The following CHODL variants were observed in gnomAD, a reference collection of about 807,000 sequenced individuals.
CHODL encodes transmembrane protein MT75.
CHODL carries 29 observed loss-of-function variants against 34.5 expected under a neutral mutation model. The observed-to-expected ratio is 0.84, with a 90% CI of 0.63 to 1.15. The LOEUF is 1.15. CHODL is among the 50% of genes most tolerant of loss of function. The pLI, the probability that CHODL is intolerant of heterozygous loss-of-function variation, is 0.00. For missense variants in CHODL, 332 were observed against 332.5 expected (o/e 1.00, Z 0.01); for synonymous variants, 125 against 116.1 (o/e 1.08, Z -0.49).
intron 2 of CHODL, among the ~76,000 whole-genome samples, chr21:18,195,537 A>G (rs2073576894): frequency 6.6e-6 from 1 of 152,176 alleles, no homozygotes; most frequent in South Asian, 2.1e-4. Context: ...TTCTGATTTC[A>G]CATGTAATTG....
intron 1 of CHODL, among the ~76,000 whole-genome samples, chr21:17,926,996 A>G (rs1397751656): frequency 1.3e-5 from 2 of 150,662 alleles, no homozygotes; most frequent in African/African-American, 4.9e-5. Flanking sequence ...ACACACACGC[A>G]CACACACACA....
chr21:18,173,322 T>C, intron 2 of CHODL, among the ~76,000 whole-genome samples: 1 of 152,180 alleles, frequency 6.6e-6, no homozygotes, highest in East Asian at 1.9e-4. Flanking sequence ...CCATACATAC[T>C]CATGAAGAAG....
At chr21:17,993,865 C>T (rs2063822611) in intron 1 of CHODL, among the ~76,000 whole-genome samples, 1 of 152,188 alleles carries the variant, frequency 6.6e-6, no homozygotes, top group Non-Finnish European at 1.5e-5. Context: ...TTCTCCAGAA[C>T]CTTTTTCTAG....
rs571734542 is a variant in CHODL, at chr21:17,933,549, G to A, written c.-145+16149G>A. ...ACAGCACATGTTTCAGAGAGCACGG[G>A]GTTGGGGTAAGGTCATAGATTAACA... On this transcript the variant is annotated intron_variant, in intron 1 of 6. Coordinates refer to the CHODL transcript ENST00000400127. Among the ~76,000 whole-genome samples the A allele has an allele frequency of 1.4e-4, 21 of 152,256 alleles. No individual in the cohort carries two copies. The South Asian group carries it at 2.3e-3, about 17-fold the overall frequency.
At chr21:17,917,460 A>C (rs1403644872) in intron 1 of CHODL, 1 of 152,048 alleles carries the variant, frequency 6.6e-6, no homozygotes, top group Non-Finnish European at 1.5e-5. Flanking sequence ...TGTTTCTCTG[A>C]AAAACCCTGA....
At chr21:17,927,138 ATATG>A (rs1410668003) in intron 1 of CHODL, among the ~76,000 whole-genome samples, 2 of 113,668 alleles carry the variant, frequency 1.8e-5, no homozygotes, top group East Asian at 2.5e-4. Flanking sequence ...ATATATGTAT[ATATG>A]TATATATGTA....
Position 18,244,944 on chromosome 21 carries a change from G to T in CHODL, c.-280G>T. ...TGGTCCAAGCCGGGGCTTCTGCTTC[G>T]CCTCTAGGACATACACGGGACCCCC... On this transcript the variant is annotated 5_prime_UTR_variant, in exon 1 of 6. Coordinates refer to ENST00000299295, the MANE Select transcript of CHODL (RefSeq NM_024944.3). The T allele has an allele frequency of 2.6e-6, 1 of 389,816 alleles. No individual in the cohort carries two copies. Among genetic ancestry groups the T allele is most frequent in the Non-Finnish European group, 4.6e-6 (1 of 219,688 alleles). 24.1% of individuals were successfully genotyped at this position (389,816 alleles called of 1,614,324 possible).
intron 2 of CHODL, among the ~76,000 whole-genome samples, chr21:18,096,864 G>T (rs2065146091): frequency 6.6e-6 from 1 of 152,042 alleles, no homozygotes; most frequent in Non-Finnish European, 1.5e-5. Context: ...AAACTCACTG[G>T]TTTTGCAGCT....
intron 2 of CHODL, among the ~76,000 whole-genome samples, chr21:18,217,861 A>T (rs1017917351): frequency 7.9e-5 from 12 of 152,190 alleles, no homozygotes; most frequent in African/African-American, 2.9e-4. Flanking sequence ...TACAGACCCC[A>T]TATAAGTACA....
chr21:18,231,224 A>G (rs2073975494), intron 2 of CHODL, among the ~76,000 whole-genome samples: 1 of 152,160 alleles, frequency 6.6e-6, no homozygotes, highest in Non-Finnish European at 1.5e-5. Flanking sequence ...TTGACAAGGT[A>G]AATTTCAGCT....
At position 18,144,809 on chromosome 21, in the gene CHODL, G is replaced by A. The variant is rs372303369; in HGVS notation, c.-44-111700G>A. The stretch of plus-strand genomic sequence containing the variant: ...CAGGAGGGCGGGGCAAGTGAGTTTA[G>A]GAAGAAGTAAATACTGATAAATTCT... On this transcript the variant is annotated intron_variant, in intron 2 of 6. Transcript: ENST00000400127. 5.0e-4 allele frequency among the ~76,000 whole-genome samples: 75 copies of A among 151,062 alleles called. 1 individual carries two copies. The South Asian group carries it at 0.015, about 30-fold the overall frequency.
At chr21:17,972,574 C>T (rs1449082356) in intron 1 of CHODL, among the ~76,000 whole-genome samples, 1 of 152,150 alleles carries the variant, frequency 6.6e-6, no homozygotes, top group African/African-American at 2.4e-5. Flanking sequence ...ACCTAGGAAT[C>T]CGACTTACAA....
intron 1 of CHODL, among the ~76,000 whole-genome samples, chr21:17,925,174 C>G (rs1395827860): frequency 6.6e-6 from 1 of 152,172 alleles, no homozygotes; most frequent in Non-Finnish European, 1.5e-5. Flanking sequence ...TATGAGCAGC[C>G]TCTGTAAATT....
chr21:17,940,675 T>C (rs2063355372), intron 1 of CHODL, among the ~76,000 whole-genome samples: 2 of 152,342 alleles, frequency 1.3e-5, no homozygotes, highest in South Asian at 4.1e-4. Context: ...AAACGTTTCT[T>C]ATATGCACAA....
At chr21:18,119,837 A>C (rs2065458676) in intron 2 of CHODL, among the ~76,000 whole-genome samples, 1 of 152,192 alleles carries the variant, frequency 6.6e-6, no homozygotes, top group African/African-American at 2.4e-5. Flanking sequence ...TTGTGTCATA[A>C]AAACAAAGTA....
chr21:18,187,476 C>T (rs972839661), intron 2 of CHODL, among the ~76,000 whole-genome samples: 3 of 152,134 alleles, frequency 2.0e-5, no homozygotes, highest in Non-Finnish European at 4.4e-5. Flanking sequence ...TTTCCCATGG[C>T]ATTTATCCTG....
chr21:18,250,805 G>T, intron 1 of CHODL, among the ~76,000 whole-genome samples: 1 of 151,772 alleles, frequency 6.6e-6, no homozygotes, highest in Non-Finnish European at 1.5e-5. Context: ...AACATTCTAA[G>T]TTAATTCAGT....
rs750817711 is a variant in CHODL, at chr21:18,260,190, T to A, written c.548-10T>A. On this transcript the variant is annotated splice_polypyrimidine_tract_variant and intron_variant, in intron 3 of 5. Coordinates refer to ENST00000299295, the MANE Select transcript of CHODL (RefSeq NM_024944.3). ...TCATTATATATGATGGTGGTTCTTA[T>A]TATTTACAGAGATTAATCCAACAGC... 2 of 1,423,040 alleles carry A rather than the reference T, an allele frequency of 1.4e-6. No homozygotes were observed. The highest frequency in any genetic ancestry group is 2.9e-5 in the South Asian group (2 of 70,032). The allele number at this position is 1,423,040 out of a possible 1,614,324, so 88.2% of individuals were successfully genotyped here. A position where few individuals can be genotyped will look rare whatever the true frequency, so the allele number is the denominator to read the frequency against.
chr21:18,228,181 C>A (rs575840794), intron 2 of CHODL, among the ~76,000 whole-genome samples: 18 of 152,276 alleles, frequency 1.2e-4, no homozygotes, highest in Admixed American at 3.3e-4. Flanking sequence ...TGATAGCTTA[C>A]TCATTGCTGC....
Sources: gnomAD v4.1 joint callset for allele counts (sites outside exome capture counted in the v4.1 genomes callset) on GRCh38, gnomAD v4.1.1 for gene constraint, MANE v1.5 for transcripts, NCBI Gene and HGNC (gene_info 2026-07-23, HGNC 2026-07-21) for gene names.